The following COL11A1 variants were observed in gnomAD, a reference collection of about 807,000 sequenced individuals.
The protein encoded by COL11A1 is collagen alpha-1(XI) chain.
Under a neutral mutation model 265.2 loss-of-function variants are expected in COL11A1, and 74 were observed. The ratio of observed to expected loss-of-function variants is 0.28; its 90% CI spans 0.23 to 0.34. The LOEUF is 0.34. Among genes scored for constraint, COL11A1 ranks in the 10% least tolerant of loss-of-function variants. The pLI is 1.00. For synonymous variants in COL11A1, 816 were observed against 727.6 expected (o/e 1.12, Z -1.96); for missense variants, 2,165 against 2,263.6 (o/e 0.96, Z 0.88).
intron 31 of COL11A1, among the ~76,000 whole-genome samples, chr1:102,980,103 G>T (rs1337632785): frequency 1.3e-5 from 2 of 151,970 alleles, no homozygotes; most frequent in Admixed American, 6.6e-5. Flanking sequence ...AGTAAGTTTG[G>T]TACATTACTT....
intron 64 of COL11A1, 70 bp from the exon 65 acceptor site, chr1:102,881,835 A>G: frequency 1.8e-6 from 2 of 1,095,642 alleles, no homozygotes; most frequent in Non-Finnish European, 2.7e-6. Context: ...TTTTATATAC[A>G]TATAATTCAT....
chr1:102,912,645 T>A (rs1031336547), intron 53 of COL11A1, among the ~76,000 whole-genome samples: 1 of 152,178 alleles, frequency 6.6e-6, no homozygotes, highest in African/African-American at 2.4e-5. Flanking sequence ...AACATACTGA[T>A]ATGGTTTGGC....
chr1:102,910,742 T>C (rs902034847), intron 54 of COL11A1, among the ~76,000 whole-genome samples: 1 of 152,118 alleles, frequency 6.6e-6, no homozygotes, highest in Non-Finnish European at 1.5e-5. Flanking sequence ...TTAGGTCCTC[T>C]GAGAAACAGA....
At chr1:103,009,099 A>G (rs1665896130) in intron 14 of COL11A1, among the ~76,000 whole-genome samples, 1 of 152,200 alleles carries the variant, frequency 6.6e-6, no homozygotes, top group African/African-American at 2.4e-5. Context: ...TATAACAAAC[A>G]TCTCTTAAAT....
chr1:103,079,498 A>G (rs1342477963), intron 2 of COL11A1, among the ~76,000 whole-genome samples: 2 of 152,042 alleles, frequency 1.3e-5, no homozygotes, highest in Non-Finnish European at 2.9e-5. Context: ...TCATATGCCA[A>G]ATATCTAGCA....
intron 39 of COL11A1, 104 bp downstream of exon 39, chr1:102,962,549 A>T: frequency 9.9e-7 from 1 of 1,013,060 alleles, no homozygotes; most frequent in Non-Finnish European, 1.6e-6. Flanking sequence ...TTCCTGACAC[A>T]TCTTCTGACA....
At chr1:103,061,839 A>T (rs1044540372) in intron 4 of COL11A1, among the ~76,000 whole-genome samples, 1 of 151,968 alleles carries the variant, frequency 6.6e-6, no homozygotes, top group African/African-American at 2.4e-5. Flanking sequence ...AGAAAATTAA[A>T]TTACACCAGA....
chr1:102,934,993 G>T, intron 45 of COL11A1, 67 bp downstream of exon 45: 1 of 1,457,184 alleles, frequency 6.9e-7, no homozygotes, highest in Non-Finnish European at 9.6e-7. Flanking sequence ...CTGGTTATGG[G>T]ACAGTATACA....
At chr1:102,990,138 T>C (rs1168619056) in intron 28 of COL11A1, among the ~76,000 whole-genome samples, 2 of 152,058 alleles carry the variant, frequency 1.3e-5, no homozygotes, top group African/African-American at 2.4e-5. Context: ...TGAGCCGTGA[T>C]TGTGCTACTG....
At chr1:103,027,957 G>A (rs1051150841) in intron 5 of COL11A1, among the ~76,000 whole-genome samples, 2 of 152,010 alleles carry the variant, frequency 1.3e-5, no homozygotes, top group African/African-American at 4.8e-5. Context: ...TTGAAATAAT[G>A]GAGGAAATAA....
intron 41 of COL11A1, among the ~76,000 whole-genome samples, chr1:102,951,856 C>A (rs141110304): frequency 6.6e-6 from 1 of 152,058 alleles, no homozygotes; most frequent in African/African-American, 2.4e-5. Flanking sequence ...TATATTTTCC[C>A]TGTAAGAAAT....
At position 102,920,325 on chromosome 1, in the gene COL11A1, C is replaced by T. The variant is rs2101066582; in HGVS notation, c.3748G>A (p.Gly1250Ser). 6.2e-7 allele frequency: 1 copy of T among 1,613,220 alleles called. No homozygotes were observed. ...AACATATTTACCTTTTCTCCAACACCACCAACTGAACCAACAGACCCTGGG... is the reference window on the plus strand; with the variant it reads ...AACATATTTACCTTTTCTCCAACACTACCAACTGAACCAACAGACCCTGGG... ...GPPGSVGSVG[G>S]VGEKGEPGEA... is the part of the protein sequence containing the mutation. Residue 1250 changes from glycine to serine, a missense_variant, in exon 49 of 67, where the codon GGT becomes AGT. Gly to Ser is a moderately conservative substitution (Grantham distance 56). Coordinates refer to ENST00000370096, the MANE Select transcript of COL11A1 (RefSeq NM_001854.4).
At chr1:102,912,411 A>C (rs1654797519) in intron 53 of COL11A1, among the ~76,000 whole-genome samples, 199 bp from the exon 54 acceptor site, 1 of 152,262 alleles carries the variant, frequency 6.6e-6, no homozygotes, top group South Asian at 2.1e-4. Flanking sequence ...TAGATGGTAA[A>C]ATTATTTATA....
intron 18 of COL11A1, 111 bp from the exon 19 acceptor site, chr1:103,004,772 T>C (rs1399858347): frequency 1.8e-5 from 17 of 922,010 alleles, no homozygotes; most frequent in Admixed American, 1.4e-4. Flanking sequence ...AGGGAAAATA[T>C]ATGCTTTATT....
intron 4 of COL11A1, among the ~76,000 whole-genome samples, chr1:103,068,203 A>G (rs1671300252): frequency 6.6e-6 from 1 of 151,708 alleles, no homozygotes; most frequent in South Asian, 2.1e-4. Flanking sequence ...GATATTTTAC[A>G]AAATGGAATT....
intron 1 of COL11A1, among the ~76,000 whole-genome samples, chr1:103,088,101 A>G (rs1353738347): frequency 6.6e-6 from 1 of 152,152 alleles, no homozygotes; most frequent in Non-Finnish European, 1.5e-5. Context: ...CACCATCCAT[A>G]TAGATTACTG....
At chr1:102,981,717 T>C (rs962484340) in intron 31 of COL11A1, among the ~76,000 whole-genome samples, 3 of 151,954 alleles carry the variant, frequency 2.0e-5, no homozygotes, top group African/African-American at 7.2e-5. Context: ...AGATTAATTG[T>C]GAAATTGGCT....
In COL11A1 at chr1:102,986,314, C is replaced by CA. The variant is rs534804367; in HGVS notation, c.2502+1318dup. Among the ~76,000 whole-genome samples, 35 of 148,960 alleles carry CA rather than the reference C, an allele frequency of 2.3e-4. No homozygotes were observed. In the East Asian group the frequency reaches 6.5e-3, roughly 28 times the overall value. ...CCTTCTCAGCAAACTATCGCAAGGA[C>CA]AAAAAACCAAGCACCGCATGTTCTC... is the stretch of plus-strand genomic sequence containing the variant. On this transcript the variant is annotated intron_variant, in intron 30 of 66. Coordinates refer to ENST00000370096, the MANE Select transcript of COL11A1 (RefSeq NM_001854.4).
intron 15 of COL11A1, among the ~76,000 whole-genome samples, chr1:103,006,526 ATTTTTTTTTTTTT>A (rs4013849): frequency 2.4e-5 from 2 of 82,886 alleles, no homozygotes; most frequent in African/African-American, 4.8e-5. Flanking sequence ...AAATGGCTCC[ATTTTTTTTTTTTT>A]TTTTTTTTTT....
Sources: allele counts gnomAD v4.1 joint callset (sites outside exome capture counted in the v4.1 genomes callset), GRCh38; gene constraint gnomAD v4.1.1; transcripts MANE v1.5; gene names NCBI Gene and HGNC (gene_info 2026-07-23, HGNC 2026-07-21).